Variants in ADCY10 observed in about 807,000 individuals in gnomAD.
ADCY10 encodes the protein adenylate cyclase type 10.
In ADCY10, 156 loss-of-function variants were observed where a neutral mutation model predicts 183.3. The observed-to-expected ratio is 0.85, with a 90% CI of 0.75 to 0.97. The LOEUF is 0.97. Among genes scored for constraint, ADCY10 ranks in the 50% least tolerant of loss-of-function variants. ADCY10 has a pLI of 0.00. For missense variants in ADCY10, 1,745 were observed against 1,934.3 expected (o/e 0.90, Z 1.84); for synonymous variants, 645 against 670.0 (o/e 0.96, Z 0.58).
At chr1:167,905,599 T>TAAAAA (rs34148403) in intron 1 of ADCY10, among the ~76,000 whole-genome samples, 4 of 145,894 alleles carry the variant, frequency 2.7e-5, no homozygotes, top group African/African-American at 7.5e-5. Context: ...TTTCTCTCTT[T>TAAAAA]AAAAAAAAAA....
Position 167,853,830 on chromosome 1 carries a change from C to CTTTTTTTTTTTTTTTTTTTTTTTTT in ADCY10, c.2308+498_2308+522dup, listed in dbSNP as rs538462140. Among the ~76,000 whole-genome samples the CTTTTTTTTTTTTTTTTTTTTTTTTT allele has an allele frequency of 3.5e-4, 27 of 77,192 alleles. 5 individuals are homozygous for CTTTTTTTTTTTTTTTTTTTTTTTTT. Among genetic ancestry groups the CTTTTTTTTTTTTTTTTTTTTTTTTT allele is most frequent in the African/African-American group, 5.5e-4 (10 of 18,132 alleles). 50.6% of individuals were successfully genotyped at this position (77,192 alleles called of 152,430 possible). Reference sequence around the variant, plus strand: ...TGTTCTTTCATTTCTACTATAGTTACTTTTTTTTTTTTTTTTTTTTTTTTT... The same window carrying CTTTTTTTTTTTTTTTTTTTTTTTTT: ...TGTTCTTTCATTTCTACTATAGTTACTTTTTTTTTTTTTTTTTTTTTTTTTTTTTTTTTTTTTTTTTTTTTTTTTT... On this transcript the variant is annotated intron_variant, in intron 18 of 32. Coordinates refer to ENST00000367851, the MANE Select transcript of ADCY10 (RefSeq NM_018417.6).
In ADCY10 at chr1:167,821,926, A is replaced by G. The variant is rs1197637491; in HGVS notation, c.4286+98T>C. On this transcript the variant is annotated intron_variant, in intron 30 of 32. Transcript: ENST00000367851. ...CTGACACCCTTAAGCTGTCTCAGGTATAAATTATGAATACTTTCTAAAAGA... is the reference window on the plus strand; with the variant it reads ...CTGACACCCTTAAGCTGTCTCAGGTGTAAATTATGAATACTTTCTAAAAGA... 6 of 856,548 alleles carry G rather than the reference A, an allele frequency of 7.0e-6. No individual in the cohort carries two copies. In the East Asian group the frequency reaches 1.5e-4, roughly 21 times the overall value. 53.1% of individuals were successfully genotyped at this position (856,548 alleles called of 1,614,324 possible).
At chr1:167,880,764 A>G (rs1003192451) in intron 9 of ADCY10, among the ~76,000 whole-genome samples, 155 bp from the exon 10 acceptor site, 3 of 152,196 alleles carry the variant, frequency 2.0e-5, no homozygotes, top group African/African-American at 7.2e-5. Flanking sequence ...AGTACACTTC[A>G]AACACTTCTA....
In ADCY10 at chr1:167,885,772, G is replaced by A. The variant is rs187515943; in HGVS notation, c.829-2144C>T. Among the ~76,000 whole-genome samples, 6 of 151,996 alleles carry A rather than the reference G, an allele frequency of 3.9e-5. No individual in the cohort carries two copies. The East Asian group carries it at 5.8e-4, about 15-fold the overall frequency. ...TGGGATTACAGGCGCCCACCACTAC[G>A]CCCAGCTAATTTTTTGTATTTTTAG... On this transcript the variant is annotated intron_variant, in intron 8 of 32. Coordinates refer to ENST00000367851, the MANE Select transcript of ADCY10 (RefSeq NM_018417.6).
chr1:167,864,507 G>A (rs1666535030), intron 14 of ADCY10, among the ~76,000 whole-genome samples: 1 of 151,996 alleles, frequency 6.6e-6, no homozygotes, highest in South Asian at 2.1e-4. Context: ...AATTACAGCT[G>A]GTTTTAGACC....
chr1:167,902,944 A>T (rs1222393485), intron 3 of ADCY10, among the ~76,000 whole-genome samples: 1 of 152,198 alleles, frequency 6.6e-6, no homozygotes, highest in African/African-American at 2.4e-5. Context: ...TGGGTTTTAT[A>T]GATGCTGGCT....
chr1:167,893,608 A>G (rs1408082112), intron 8 of ADCY10, among the ~76,000 whole-genome samples: 1 of 147,230 alleles, frequency 6.8e-6, no homozygotes, highest in Non-Finnish European at 1.5e-5. Flanking sequence ...AGGCAGGAGA[A>G]TTGCTTGAAC....
intron 3 of ADCY10, among the ~76,000 whole-genome samples, chr1:167,902,880 A>T (rs1557834019): frequency 6.6e-6 from 1 of 152,260 alleles, no homozygotes; most frequent in Non-Finnish European, 1.5e-5. Context: ...ATTATTGAGA[A>T]GCTAATTATA....
chr1:167,854,243 T>C, intron 18 of ADCY10, 110 bp downstream of exon 18: 2 of 1,349,784 alleles, frequency 1.5e-6, no homozygotes, highest in South Asian at 1.2e-5. Context: ...CAGAACCTTC[T>C]GACTCTACAG....
chr1:167,882,048 T>C (rs1667899770), intron 9 of ADCY10, among the ~76,000 whole-genome samples: 1 of 152,238 alleles, frequency 6.6e-6, no homozygotes, highest in Non-Finnish European at 1.5e-5. Context: ...TAAATGCTTG[T>C]TGAATTAGTG....
At chr1:167,861,164 T>C (rs1666255744) in intron 14 of ADCY10, 101 bp from the exon 15 acceptor site, 2 of 1,018,142 alleles carry the variant, frequency 2.0e-6, no homozygotes, top group Non-Finnish European at 3.0e-6. Flanking sequence ...TATTCAGCTA[T>C]AATGATGGAG....
chr1:167,851,018 C>CCTGA (rs1030059480), intron 18 of ADCY10, among the ~76,000 whole-genome samples: 1 of 152,130 alleles, frequency 6.6e-6, no homozygotes, highest in Non-Finnish European at 1.5e-5. Flanking sequence ...GTACTCCCTA[C>CCTGA]TCAGGTTCGC....
intron 7 of ADCY10, among the ~76,000 whole-genome samples, chr1:167,895,958 A>G (rs924365650): frequency 2.0e-5 from 3 of 152,238 alleles, no homozygotes; most frequent in African/African-American, 4.8e-5. Context: ...GCAAAACTAG[A>G]AAAGAATAAT....
At chr1:167,888,887 AAAAGAAAAAG>A (rs1458516445) in intron 8 of ADCY10, among the ~76,000 whole-genome samples, 2 of 151,326 alleles carry the variant, frequency 1.3e-5, no homozygotes, top group African/African-American at 2.4e-5. Flanking sequence ...AAAAAAAAAA[AAAAGAAAAAG>A]AAAGAAAAAG....
At chr1:167,837,886 T>G (rs950159529) in intron 21 of ADCY10, among the ~76,000 whole-genome samples, 13 of 152,236 alleles carry the variant, frequency 8.5e-5, no homozygotes, top group African/African-American at 3.1e-4. Context: ...CAGAGAATCT[T>G]AAATTAAAAA....
intron 31 of ADCY10, among the ~76,000 whole-genome samples, chr1:167,811,563 G>A (rs1474548116): frequency 6.6e-6 from 1 of 152,190 alleles, no homozygotes; most frequent in African/African-American, 2.4e-5. Context: ...CTCCAGCCTT[G>A]TGACAGAGTG....
In ADCY10 at chr1:167,845,871, G is replaced by C. The variant is rs372059487; in HGVS notation, c.2717-18C>G. ...ACCGTGATCTGGAGAGAGCAAAAAG[G>C]GTTTTTCAGCCAGGCAGTGGGCAAC... On this transcript the variant is annotated intron_variant, in intron 20 of 32. Transcript: ENST00000367851. 1.9e-6 allele frequency: 3 copies of C among 1,613,900 alleles called. No homozygotes were observed. Among genetic ancestry groups the C allele is most frequent in the Admixed American group, 3.3e-5 (2 of 59,986 alleles).
chr1:167,810,984 A>C, intron 31 of ADCY10, 71 bp from the exon 32 acceptor site: 2 of 1,413,692 alleles, frequency 1.4e-6, no homozygotes, highest in Non-Finnish European at 2.0e-6. Context: ...TATTTCCTTC[A>C]CAGATGATTT....
Position 167,853,830 on chromosome 1 carries a change from C to CTTTTTTTTTTTTTTTT in ADCY10, c.2308+507_2308+522dup, listed in dbSNP as rs538462140. On this transcript the variant is annotated intron_variant, in intron 18 of 32. Coordinates refer to ENST00000367851, the MANE Select transcript of ADCY10 (RefSeq NM_018417.6). ...TGTTCTTTCATTTCTACTATAGTTA[C>CTTTTTTTTTTTTTTTT]TTTTTTTTTTTTTTTTTTTTTTTTT... Among the ~76,000 whole-genome samples the CTTTTTTTTTTTTTTTT allele has an allele frequency of 7.8e-4, 60 of 77,190 alleles. 8 individuals are homozygous for CTTTTTTTTTTTTTTTT. Among genetic ancestry groups the CTTTTTTTTTTTTTTTT allele is most frequent in the African/African-American group, 1.4e-3 (26 of 18,132 alleles). 50.6% of individuals were successfully genotyped at this position (77,190 alleles called of 152,430 possible). A position where few individuals can be genotyped will look rare whatever the true frequency, so the allele number is the denominator to read the frequency against.
Sources: allele counts gnomAD v4.1 joint callset (sites outside exome capture counted in the v4.1 genomes callset), GRCh38; gene constraint gnomAD v4.1.1; transcripts MANE v1.5; gene names NCBI Gene and HGNC (gene_info 2026-07-23, HGNC 2026-07-21).